FN1: variants seen among roughly 807,000 people sequenced by gnomAD.
FN1 encodes fibronectin 1.
FN1 carries 106 observed loss-of-function variants against 297.3 expected under a neutral mutation model. The ratio of observed to expected loss-of-function variants is 0.36; its 90% CI spans 0.30 to 0.42. The LOEUF (loss-of-function observed/expected upper bound fraction) is 0.42, where lower values mean the gene tolerates loss of function less well. Ranked by LOEUF, FN1 falls within the 10% of genes least tolerant of loss-of-function variation. The probability of loss-of-function intolerance (pLI) is 1.00; values close to 1 mark genes in which losing one functional copy is unlikely to be tolerated. For synonymous variants in FN1, 1,149 were observed against 1,152.6 expected (o/e 1.00, Z 0.06); for missense variants, 2,690 against 3,124.9 (o/e 0.86, Z 3.32).
chr2:215,420,371 A>AC lies in FN1; in HGVS notation c.1675+301_1675+302insG, dbSNP rs140076422. Among the ~76,000 whole-genome samples the AC allele has an allele frequency of 0.017, 2,626 of 151,812 alleles. 81 individuals are homozygous for AC. Among genetic ancestry groups the AC allele is most frequent in the African/African-American group, 0.059 (2,442 of 41,362 alleles). On this transcript the variant is annotated intron_variant, in intron 11 of 45. Coordinates refer to ENST00000354785, the MANE Select transcript of FN1 (RefSeq NM_212482.4). ...CAAAAACAAAAACAAAAACAAACAA[A>AC]AAAAAAAGGAAAGAATACTTTTAAT...
At chr2:215,369,575 G>T (rs556996501) in intron 41 of FN1, among the ~76,000 whole-genome samples, 3 of 152,102 alleles carry the variant, frequency 2.0e-5, no homozygotes, top group Admixed American at 2.0e-4. Context: ...GGGGATTCAC[G>T]GTTTTGATTA....
intron 39 of FN1, 92 bp from the exon 40 acceptor site, chr2:215,372,467 T>G (rs1158353757): frequency 1.5e-5 from 14 of 936,400 alleles, no homozygotes; most frequent in Non-Finnish European, 1.9e-5. Flanking sequence ...CAACAATGAC[T>G]GTTCATCAAT....
In FN1 at chr2:215,382,030, G is replaced by A. The variant is rs900273629; in HGVS notation, c.5164+182C>T. The A allele has an allele frequency of 2.5e-5, 15 of 589,366 alleles. No individual in the cohort carries two copies. The Admixed American group carries it at 3.3e-4, about 13-fold the overall frequency. 36.5% of individuals were successfully genotyped at this position (589,366 alleles called of 1,614,324 possible). On this transcript the variant is annotated intron_variant, in intron 32 of 45. Transcript: ENST00000354785. The stretch of plus-strand genomic sequence containing the variant: ...TGGTGGTTTCACAACTTCTTTCTCT[G>A]TAAATTCCTCGCTTGGCACTGAGAA...
At chr2:215,376,350 C>G (rs1275767737) in intron 36 of FN1, 148 bp downstream of exon 36, 1 of 746,962 alleles carries the variant, frequency 1.3e-6, no homozygotes, top group East Asian at 2.7e-5. Context: ...TATTTCTGAT[C>G]ATAGCATGAA....
At chr2:215,435,560 ACACACGCGCG>A (rs1298054929) in intron 1 of FN1, 85 bp downstream of exon 1, 1 of 1,547,400 alleles carries the variant, frequency 6.5e-7, no homozygotes, top group African/African-American at 1.4e-5. Flanking sequence ...ACACACTCGC[ACACACGCGCG>A]CGCACAAAAC....
At chr2:215,393,857 T>G (rs2060001160) in intron 24 of FN1, 1 of 153,992 alleles carries the variant, frequency 6.5e-6, no homozygotes, top group East Asian at 1.9e-4. Flanking sequence ...AGCATTCTAC[T>G]GAAGAGTCCA....
At chr2:215,433,854 C>A (rs1419078796) in intron 2 of FN1, among the ~76,000 whole-genome samples, 1 of 152,234 alleles carries the variant, frequency 6.6e-6, no homozygotes, top group Admixed American at 6.5e-5. Context: ...GTAATCCCAG[C>A]ACTTTGGGAG....
intron 22 of FN1, 65 bp from the exon 23 acceptor site, chr2:215,397,288 C>A: frequency 8.8e-7 from 1 of 1,140,584 alleles, no homozygotes; most frequent in South Asian, 1.2e-5. Flanking sequence ...GTAATCTTTC[C>A]TCCTTCCCTA....
Position 215,424,182 on chromosome 2 carries a change from G to T in FN1, c.1180C>A (p.Gln394Lys), listed in dbSNP as rs752042656. The T allele has an allele frequency of 6.2e-7, 1 of 1,614,186 alleles. No individual in the cohort carries two copies. Among genetic ancestry groups the T allele is most frequent in the Non-Finnish European group, 8.5e-7 (1 of 1,180,036 alleles). The change falls in exon 8 of 46, where the codon CAG becomes AAG. Residue 394 changes from glutamine to lysine, a missense_variant. Gln to Lys is a moderately conservative substitution (Grantham distance 53). This residue lies in a region of FN1 where 876 missense variants were observed against 1,058.1 expected (regional missense o/e 0.83). Transcript: ENST00000354785. ...GTGCAGAAAGAGTATTTCTGGTCCT[G>T]CTCATAATTCGAAGTTGTGCTGCAC... ...LWCSTTSNYE[Q>K]DQKYSFCTDH...
intron 12 of FN1, among the ~76,000 whole-genome samples, chr2:215,416,480 T>A (rs909502243): frequency 2.6e-5 from 4 of 152,180 alleles, no homozygotes; most frequent in African/African-American, 4.8e-5. Flanking sequence ...AAGAAAAATT[T>A]TGGAGATGTG....
Position 215,371,993 on chromosome 2 carries a change from T to A in FN1, c.6630A>T (p.Thr2210=), listed in dbSNP as rs1387701737. ...CCTGGAATGGGGCCCATGAGATGGT[T>A]GTCTGAGAGAGAGCTTCTTGTCCTG... ...ASTGQEALSQ[T]TISWAPFQDT... is the part of the protein sequence containing the mutation. Residue 2210 remains threonine (T), a synonymous_variant, in exon 40 of 46, where the codon ACA becomes ACT. Coordinates refer to ENST00000354785, the MANE Select transcript of FN1 (RefSeq NM_212482.4). 6.2e-7 allele frequency: 1 copy of A among 1,614,214 alleles called. No individual in the cohort carries two copies. The highest frequency in any genetic ancestry group is 8.5e-7 in the Non-Finnish European group (1 of 1,180,030).
Position 215,425,167 on chromosome 2 carries a change from C to T in FN1, c.963G>A (p.Gln321=), listed in dbSNP as rs1359925984. 1 of 1,614,232 alleles carries T rather than the reference C, an allele frequency of 6.2e-7. No individual in the cohort carries two copies. Among genetic ancestry groups the T allele is most frequent in the Non-Finnish European group, 8.5e-7 (1 of 1,180,042 alleles). ...DSGVVYSVGM[Q]WLKTQGNKQM... is the part of the protein sequence containing the mutation. Reference sequence around the variant, plus strand: ...GCTTATTTCCTTGTGTCTTCAGCCACTGCATCCCCACAGAGTAGACCACAC... The same window carrying T: ...GCTTATTTCCTTGTGTCTTCAGCCATTGCATCCCCACAGAGTAGACCACAC... The change falls in exon 7 of 46, where the codon CAG becomes CAA. Residue 321 remains glutamine, a synonymous_variant. Transcript: ENST00000354785.
intron 10 of FN1, chr2:215,421,215 G>A (rs2064287325): frequency 3.5e-6 from 1 of 287,448 alleles, no homozygotes; most frequent in Middle Eastern, 1.3e-3. Context: ...GCATGATGTG[G>A]TGGTCTGGTC....
chr2:215,398,578 T>A, intron 21 of FN1, among the ~76,000 whole-genome samples: 1 of 152,184 alleles, frequency 6.6e-6, no homozygotes, highest in East Asian at 1.9e-4. Context: ...AATATGGCCA[T>A]TTACAAACTT....
rs2058069676 is a variant in FN1 at position 215,380,635 on chromosome 2, C to G, written c.5434+176G>C. ...AAATTTCTTTTAATCAGACTTGTTT[C>G]CTTAAATATCACCTAAGTTTTATTG... On this transcript the variant is annotated intron_variant, in intron 33 of 45. Coordinates refer to ENST00000354785, the MANE Select transcript of FN1 (RefSeq NM_212482.4). The G allele has an allele frequency of 2.1e-5, 18 of 870,384 alleles. No homozygotes were observed. In the South Asian group the frequency reaches 2.8e-4, roughly 14 times the overall value. The allele number at this position is 870,384 out of a possible 1,614,324, so 53.9% of individuals were successfully genotyped here.
In FN1 at chr2:215,387,090, G is replaced by T. The variant is rs1483570917; in HGVS notation, c.4343-132C>A. ...TCCTGTCTCATCAATACCATGATTT[G>T]CCATAAACCAAAGAGTAAGATGTAC... On this transcript the variant is annotated intron_variant, in intron 27 of 45. Coordinates refer to ENST00000354785, the MANE Select transcript of FN1 (RefSeq NM_212482.4). 7 of 752,980 alleles carry T rather than the reference G, an allele frequency of 9.3e-6. No individual in the cohort carries two copies. In the East Asian group the frequency reaches 1.6e-4, roughly 17 times the overall value. The allele number at this position is 752,980 out of a possible 1,614,324, so 46.6% of individuals were successfully genotyped here.
chr2:215,401,314 A>G (rs1370012561), intron 20 of FN1, among the ~76,000 whole-genome samples: 2 of 151,378 alleles, frequency 1.3e-5, no homozygotes, highest in Admixed American at 6.6e-5. Flanking sequence ...GGAAGGAAGG[A>G]AGGAAAGAGA....
At chr2:215,364,623 C>G (rs2054165499) in intron 44 of FN1, 2 of 561,778 alleles carry the variant, frequency 3.6e-6, no homozygotes, top group Non-Finnish European at 6.4e-6. Context: ...AAGAATGACT[C>G]AAGACTTGTG....
chr2:215,372,353 G>A lies in FN1; in HGVS notation c.6270C>T (p.Thr2090=), dbSNP rs777345723. ...GTCCATGAAGATTGGGGTGTGGAAG[G>A]GTTACCAGTTGGGGAAGCTCGTCTA... The part of the protein sequence containing the change: ...KKTDELPQLV[T]LPHPNLHGPE... Residue 2090 remains threonine, a synonymous_variant, in exon 40 of 46, where the codon ACC becomes ACT. Transcript: ENST00000354785. The A allele has an allele frequency of 1.9e-6, 3 of 1,614,184 alleles. No individual in the cohort carries two copies. Among genetic ancestry groups the A allele is most frequent in the South Asian group, 2.2e-5 (2 of 91,076 alleles).
Sources: allele counts gnomAD v4.1 joint callset (sites outside exome capture counted in the v4.1 genomes callset), GRCh38; gene constraint gnomAD v4.1.1; regional missense constraint gnomAD v4.1.1; transcripts MANE v1.5; gene names NCBI Gene and HGNC (gene_info 2026-07-23, HGNC 2026-07-21).